SEMA6D: variants seen among roughly 807,000 people sequenced by gnomAD.
SEMA6D encodes semaphorin 6D, also known as semaphorin-6D.
Under a neutral mutation model 106.6 loss-of-function variants are expected in SEMA6D, and 35 were observed. The observed-to-expected ratio is 0.33, with a 90% confidence interval of 0.25 to 0.44. The LOEUF (loss-of-function observed/expected upper bound fraction) is 0.44. SEMA6D is among the 20% of genes least tolerant of loss of function. The pLI, the probability that SEMA6D is intolerant of heterozygous loss-of-function variation, is 1.00. For synonymous variants in SEMA6D, 499 were observed against 487.7 expected (o/e 1.02, Z -0.31); for missense variants, 1,185 against 1,345.9 (o/e 0.88, Z 1.87).
At chr15:47,398,096 A>G (rs1039146912) in intron 1 of SEMA6D, among the ~76,000 whole-genome samples, 9 of 152,164 alleles carry the variant, frequency 5.9e-5, no homozygotes, top group Non-Finnish European at 1.2e-4. Context: ...AGATCATTTA[A>G]TCCAAGCCAT....
At chr15:47,579,857 A>G (rs1432959654) in intron 3 of SEMA6D, among the ~76,000 whole-genome samples, 1 of 152,172 alleles carries the variant, frequency 6.6e-6, no homozygotes, top group African/African-American at 2.4e-5. Flanking sequence ...TCATCACAAA[A>G]TATTCCCTAT....
intron 2 of SEMA6D, among the ~76,000 whole-genome samples, chr15:47,438,986 G>A (rs996250814): frequency 2.0e-5 from 3 of 151,964 alleles, no homozygotes; most frequent in African/African-American, 7.2e-5. Flanking sequence ...ATGGTGGGAT[G>A]ACATTTGAGG....
chr15:47,444,027 A>T (rs1287633815), intron 2 of SEMA6D, among the ~76,000 whole-genome samples: 1 of 152,148 alleles, frequency 6.6e-6, no homozygotes, highest in Non-Finnish European at 1.5e-5. Context: ...CTAACCAGTG[A>T]ATCACCTACC....
At chr15:47,490,131 A>G (rs1165996148) in intron 3 of SEMA6D, among the ~76,000 whole-genome samples, 1 of 152,116 alleles carries the variant, frequency 6.6e-6, no homozygotes, top group Non-Finnish European at 1.5e-5. Context: ...CTATTTTGTA[A>G]TCACTTACCT....
In SEMA6D at chr15:47,573,176, GA is replaced by G. The variant is rs532418855; in HGVS notation, c.-86-27679del. Reference sequence around the variant, plus strand: ...AAAAGTGAATTTGTAAGTTAAATTAGAAAAAAAAAATTCAAAGTTTTGATTT... The same window carrying G: ...AAAAGTGAATTTGTAAGTTAAATTAGAAAAAAAAATTCAAAGTTTTGATTT... On this transcript the variant is annotated intron_variant, in intron 3 of 19. Transcript: ENST00000558014. 4.5e-4 allele frequency among the ~76,000 whole-genome samples: 65 copies of G among 144,942 alleles called. 1 individual carries two copies. Among genetic ancestry groups the G allele is most frequent in the South Asian group, 1.3e-3 (6 of 4,582 alleles).
chr15:47,461,358 A>G (rs548090460), intron 2 of SEMA6D, among the ~76,000 whole-genome samples: 2 of 152,154 alleles, frequency 1.3e-5, no homozygotes, highest in African/African-American at 4.8e-5. Context: ...ACACTCTTGA[A>G]TGTATGCTGC....
In SEMA6D at chr15:47,227,615, ATCT is replaced by A. The variant is rs780830374; in HGVS notation, c.-239+43204_-239+43206del. 4.1e-5 allele frequency among the ~76,000 whole-genome samples: 6 copies of A among 146,406 alleles called. No homozygotes were observed. In the East Asian group the frequency reaches 6.1e-4, roughly 15 times the overall value. ...CACACACAAACACATGCATGCATACATCTTCTTCTAAAAATATGAGGCCAGCAG... is the reference window on the plus strand; with the variant it reads ...CACACACAAACACATGCATGCATACATCTTCTAAAAATATGAGGCCAGCAG... On this transcript the variant is annotated intron_variant, in intron 1 of 19. Coordinates refer to the SEMA6D transcript ENST00000558014.
chr15:47,237,338 T>A (rs147767260), intron 1 of SEMA6D, among the ~76,000 whole-genome samples: 60 of 152,260 alleles, frequency 3.9e-4, no homozygotes, highest in African/African-American at 1.3e-3. Context: ...ACTTAAATGA[T>A]CACACTGTGA....
chr15:47,409,338 C>T (rs950447032), intron 1 of SEMA6D, among the ~76,000 whole-genome samples: 3 of 152,130 alleles, frequency 2.0e-5, no homozygotes, highest in Admixed American at 1.3e-4. Flanking sequence ...CACCCTCAGC[C>T]AATGAGAAAG....
intron 1 of SEMA6D, among the ~76,000 whole-genome samples, chr15:47,391,314 G>A (rs1595889850): frequency 1.3e-5 from 2 of 152,150 alleles, no homozygotes; most frequent in East Asian, 3.9e-4. Flanking sequence ...TCTTTCTTGG[G>A]ATGGAAAACA....
chr15:47,528,127 C>T (rs1362169618), intron 3 of SEMA6D, among the ~76,000 whole-genome samples: 1 of 152,082 alleles, frequency 6.6e-6, no homozygotes, highest in Non-Finnish European at 1.5e-5. Context: ...AATCCTGAGT[C>T]TCTGTTTTAA....
chr15:47,539,071 G>A (rs938777200), intron 3 of SEMA6D, among the ~76,000 whole-genome samples: 2 of 152,248 alleles, frequency 1.3e-5, no homozygotes, highest in South Asian at 2.1e-4. Context: ...TGATAACCAC[G>A]CCTTTCCCGG....
chr15:47,539,560 G>T (rs1255478186), intron 3 of SEMA6D, among the ~76,000 whole-genome samples: 1 of 152,018 alleles, frequency 6.6e-6, no homozygotes, highest in Non-Finnish European at 1.5e-5. Context: ...GAGTAGCTGG[G>T]ACTACAGGCA....
chr15:47,483,434 C>T (rs1485365014), intron 3 of SEMA6D, among the ~76,000 whole-genome samples: 2 of 152,106 alleles, frequency 1.3e-5, no homozygotes, highest in African/African-American at 4.8e-5. Context: ...ATGTTTCTTT[C>T]ATGGATAAAT....
intron 3 of SEMA6D, among the ~76,000 whole-genome samples, chr15:47,559,339 A>G (rs2046011017): frequency 6.6e-6 from 1 of 152,114 alleles, no homozygotes; most frequent in Admixed American, 6.6e-5. Context: ...AAAATTAACC[A>G]AAGACAGACA....
At chr15:47,364,288 C>CCTGCATGAGCAGCAGGAGCT (rs1419611353) in intron 1 of SEMA6D, among the ~76,000 whole-genome samples, 8 of 152,144 alleles carry the variant, frequency 5.3e-5, no homozygotes, top group African/African-American at 1.9e-4. Flanking sequence ...CAGGTCAGAA[C>CCTGCATGAGCAGCAGGAGCT]CACCTGTGAC....
intron 1 of SEMA6D, among the ~76,000 whole-genome samples, chr15:47,184,847 A>G (rs1006305566): frequency 2.6e-5 from 4 of 152,242 alleles, no homozygotes; most frequent in South Asian, 2.1e-4. Flanking sequence ...CCGGGTCGGC[A>G]GCCGGCTGAA....
At chr15:47,698,168 T>C (rs2078738105) in intron 4 of SEMA6D, among the ~76,000 whole-genome samples, 1 of 149,690 alleles carries the variant, frequency 6.7e-6, no homozygotes, top group African/African-American at 2.5e-5. Flanking sequence ...AGATTACATA[T>C]TTTTTCATTA....
At chr15:47,558,384 A>G (rs1331468153) in intron 3 of SEMA6D, among the ~76,000 whole-genome samples, 1 of 152,102 alleles carries the variant, frequency 6.6e-6, no homozygotes, top group Non-Finnish European at 1.5e-5. Flanking sequence ...AGCAAAAGTC[A>G]TGTACATAAA....
Sources: gnomAD v4.1 joint callset for allele counts (sites outside exome capture counted in the v4.1 genomes callset) on GRCh38, gnomAD v4.1.1 for gene constraint, MANE v1.5 for transcripts, NCBI Gene and HGNC (gene_info 2026-07-23, HGNC 2026-07-21) for gene names.